The following AGBL1 variants were observed in gnomAD, a reference collection of about 807,000 sequenced individuals.
AGBL1 encodes the protein cytosolic carboxypeptidase 4.
A neutral mutation model predicts 118.9 loss-of-function variants in AGBL1; 130 were observed. The ratio of observed to expected loss-of-function variants is 1.09; its 90% CI spans 0.95 to 1.26. AGBL1 has a LOEUF of 1.26. AGBL1 is among the 50% of genes most tolerant of loss of function. AGBL1 has a pLI of 0.00. For synonymous variants in AGBL1, 555 were observed against 478.9 expected, an observed-to-expected ratio of 1.16 and a Z score of -2.08; for missense variants, 1,584 against 1,298.1, an observed-to-expected ratio of 1.22 and a Z score of -3.38.
At chr15:86,285,370 T>C (rs2079425248) in intron 16 of AGBL1, among the ~76,000 whole-genome samples, 1 of 152,058 alleles carries the variant, frequency 6.6e-6, no homozygotes, top group African/African-American at 2.4e-5. Context: ...CACCCAAATC[T>C]CATCTTGAAT....
rs1292335925 is a variant in AGBL1, at chr15:86,636,740, TATATATATATATATATATAC to T, written c.2995-37531_2995-37512del. Among the ~76,000 whole-genome samples, 56 of 52,696 alleles carry T rather than the reference TATATATATATATATATATAC, an allele frequency of 1.1e-3. 2 individuals carry two copies. The highest frequency in any genetic ancestry group is 8.5e-3 in the East Asian group (6 of 708). The allele number at this position is 52,696 out of a possible 152,430, so 34.6% of individuals were successfully genotyped here. ...ATATATATATATATATATATATATA[TATATATATATATATATATAC>T]ACATACATACAGAAAGGCAAGAGAA... On this transcript the variant is annotated intron_variant, in intron 21 of 22. Coordinates refer to ENST00000614907, the MANE Select transcript of AGBL1 (RefSeq NM_001386094.1).
At chr15:86,300,184 A>G (rs2079723730) in intron 17 of AGBL1, among the ~76,000 whole-genome samples, 1 of 152,154 alleles carries the variant, frequency 6.6e-6, no homozygotes, top group Non-Finnish European at 1.5e-5. Context: ...CACAACCAGA[A>G]CACACTACTT....
chr15:86,983,332 G>A (rs2081249749), intron 23 of AGBL1, among the ~76,000 whole-genome samples: 2 of 151,968 alleles, frequency 1.3e-5, no homozygotes, highest in African/African-American at 4.8e-5. Flanking sequence ...CCAGACCATG[G>A]CTAATCTATT....
intron 9 of AGBL1, among the ~76,000 whole-genome samples, chr15:86,260,729 T>C (rs2078968938): frequency 6.6e-6 from 1 of 152,160 alleles, no homozygotes; most frequent in African/African-American, 2.4e-5. Context: ...AATGGAGTGG[T>C]GAACTCAAGT....
chr15:86,374,312 A>C (rs991263258), intron 17 of AGBL1, among the ~76,000 whole-genome samples: 1 of 152,196 alleles, frequency 6.6e-6, no homozygotes, highest in Admixed American at 6.5e-5. Context: ...GATAAGTGTT[A>C]TTTTATGTTT....
chr15:86,501,903 C>T (rs11635364), intron 18 of AGBL1, among the ~76,000 whole-genome samples: 64,121 of 150,762 alleles, frequency 0.43, 14,861 homozygotes, highest in East Asian at 0.68. Flanking sequence ...TTTTTCAATA[C>T]TGCTTTGTGT....
intron 23 of AGBL1, among the ~76,000 whole-genome samples, chr15:86,960,791 G>A (rs2080984970): frequency 6.6e-6 from 1 of 151,976 alleles, no homozygotes; most frequent in Admixed American, 6.6e-5. Flanking sequence ...CTGAAAACAT[G>A]GATGAACCTG....
intron 3 of AGBL1, 83 bp downstream of exon 3, chr15:86,143,928 G>A: frequency 6.7e-7 from 1 of 1,502,118 alleles, no homozygotes. Flanking sequence ...AAGCTTTGGT[G>A]GAGTAGCACA....
At chr15:86,285,410 G>C (rs2079426250) in intron 16 of AGBL1, among the ~76,000 whole-genome samples, 1 of 152,042 alleles carries the variant, frequency 6.6e-6, no homozygotes, top group Non-Finnish European at 1.5e-5. Context: ...ACGTGTCGTG[G>C]GAATTAATTG....
intron 24 of AGBL1, among the ~76,000 whole-genome samples, chr15:87,009,785 T>G (rs890217347): frequency 1.3e-5 from 2 of 152,154 alleles, no homozygotes; most frequent in Non-Finnish European, 2.9e-5. Flanking sequence ...TTTTGGAGCT[T>G]TAAGATTTGA....
intron 17 of AGBL1, among the ~76,000 whole-genome samples, chr15:86,337,693 C>G (rs2080394671): frequency 6.6e-6 from 1 of 152,010 alleles, no homozygotes; most frequent in African/African-American, 2.4e-5. Context: ...AAAACACTTA[C>G]TGGGGCCTGT....
intron 18 of AGBL1, among the ~76,000 whole-genome samples, chr15:86,428,296 G>T (rs1182136923): frequency 6.6e-6 from 1 of 152,136 alleles, no homozygotes; most frequent in Admixed American, 6.5e-5. Flanking sequence ...TTGCTCTAGG[G>T]TGCCACCTGC....
chr15:86,366,156 A>C (rs969411861), intron 17 of AGBL1, among the ~76,000 whole-genome samples: 4 of 152,124 alleles, frequency 2.6e-5, no homozygotes, highest in Admixed American at 2.0e-4. Context: ...TATCTAGAAA[A>C]GGCTGTAACA....
At chr15:86,258,971 C>T (rs1011222634) in intron 9 of AGBL1, among the ~76,000 whole-genome samples, 5 of 152,222 alleles carry the variant, frequency 3.3e-5, no homozygotes, top group African/African-American at 1.2e-4. Flanking sequence ...TCCCAAAGTA[C>T]TGGGATTACA....
At position 86,682,513 on chromosome 15, in the gene AGBL1, C is replaced by T. The variant is rs570816858; in HGVS notation, c.3158+8077C>T. Among the ~76,000 whole-genome samples, 119 of 152,176 alleles carry T rather than the reference C, an allele frequency of 7.8e-4. 2 individuals carry two copies. Among genetic ancestry groups the T allele is most frequent in the Admixed American group, 1.9e-3 (29 of 15,274 alleles). ...GCTATTGGTAAATTGATTTACTTTT[C>T]TCTGGAGAGCAATTTGGCAGTTTGT... On this transcript the variant is annotated intron_variant, in intron 22 of 22. Coordinates refer to ENST00000614907, the MANE Select transcript of AGBL1 (RefSeq NM_001386094.1).
chr15:86,293,252 T>G (rs201603622), intron 16 of AGBL1, among the ~76,000 whole-genome samples: 1 of 152,100 alleles, frequency 6.6e-6, no homozygotes, highest in Non-Finnish European at 1.5e-5. Flanking sequence ...GTACTTTTTT[T>G]AAAAAAAATT....
At chr15:86,400,792 C>A (rs2081432914) in intron 18 of AGBL1, among the ~76,000 whole-genome samples, 1 of 151,878 alleles carries the variant, frequency 6.6e-6, no homozygotes, top group South Asian at 2.1e-4. Context: ...TTATTTCATT[C>A]CATTTTATGC....
At position 86,522,794 on chromosome 15, in the gene AGBL1, T is replaced by C; in HGVS notation, c.2556-16T>C. On this transcript the variant is annotated splice_polypyrimidine_tract_variant and intron_variant, in intron 18 of 22. Transcript: ENST00000614907. ...TTCTGAATGTGTATTTATTTGCTTA[T>C]TATTTGTTCCTGTAGCCACAGATGC... The C allele has an allele frequency of 6.2e-7, 1 of 1,612,730 alleles. No homozygotes were observed. The highest frequency in any genetic ancestry group is 8.5e-7 in the Non-Finnish European group (1 of 1,178,996).
chr15:86,759,636 G>T, intron 22 of AGBL1, among the ~76,000 whole-genome samples: 1 of 152,042 alleles, frequency 6.6e-6, no homozygotes, highest in East Asian at 1.9e-4. Context: ...GCCATTGTTA[G>T]AAAGTCATGA....
Sources: allele counts gnomAD v4.1 joint callset (sites outside exome capture counted in the v4.1 genomes callset), GRCh38; gene constraint gnomAD v4.1.1; transcripts MANE v1.5; gene names NCBI Gene and HGNC (gene_info 2026-07-23, HGNC 2026-07-21).